SCP2: variants seen among roughly 807,000 people sequenced by gnomAD.
SCP2 encodes sterol carrier protein 2, also known as SCP-2/3-oxoacyl-CoA thiolase.
SCP2 carries 48 observed loss-of-function variants against 71.4 expected under a neutral mutation model. The observed-to-expected ratio is 0.67, with a 90% CI of 0.53 to 0.86. The LOEUF (loss-of-function observed/expected upper bound fraction) is 0.86. Among genes scored for constraint, SCP2 ranks in the 40% least tolerant of loss-of-function variants. The pLI, the probability that SCP2 is intolerant of heterozygous loss-of-function variation, is 0.00. For synonymous variants in SCP2, 220 were observed against 218.1 expected (o/e 1.01, Z -0.08); for missense variants, 560 against 655.6 (o/e 0.85, Z 1.59).
At chr1:52,998,567 C>CA (rs1660093090) in intron 11 of SCP2, among the ~76,000 whole-genome samples, 1 of 151,980 alleles carries the variant, frequency 6.6e-6, no homozygotes, top group South Asian at 2.1e-4. Flanking sequence ...CCCATCTCTA[C>CA]AAAAAATACA....
chr1:52,938,935 C>T (rs1415914346), intron 1 of SCP2, among the ~76,000 whole-genome samples: 2 of 152,218 alleles, frequency 1.3e-5, no homozygotes, highest in East Asian at 1.9e-4. Context: ...TAAAAATCCT[C>T]TGTGTTCCAC....
intron 3 of SCP2, among the ~76,000 whole-genome samples, chr1:52,948,551 G>C (rs1655009208): frequency 6.6e-6 from 1 of 150,820 alleles, no homozygotes; most frequent in Non-Finnish European, 1.5e-5. Context: ...CTTGAACCCA[G>C]GAGGCAGAGG....
At chr1:52,964,262 C>T (rs529844410) in intron 6 of SCP2, among the ~76,000 whole-genome samples, 2 of 145,628 alleles carry the variant, frequency 1.4e-5, no homozygotes, top group East Asian at 4.0e-4. Flanking sequence ...AGTGCAGTGG[C>T]ATGATCTTGG....
chr1:53,041,302 T>C (rs968833544), intron 14 of SCP2, among the ~76,000 whole-genome samples: 4 of 151,188 alleles, frequency 2.6e-5, no homozygotes, highest in Non-Finnish European at 5.9e-5. Context: ...CTTGGGAGGC[T>C]GAGGCAGGAA....
intron 12 of SCP2, among the ~76,000 whole-genome samples, chr1:53,024,767 T>A (rs1483868646): frequency 6.6e-6 from 1 of 152,068 alleles, no homozygotes; most frequent in Non-Finnish European, 1.5e-5. Context: ...AGACGGGGTT[T>A]CACTATGTTG....
intron 6 of SCP2, among the ~76,000 whole-genome samples, chr1:52,969,903 C>G (rs1166730169): frequency 6.6e-6 from 1 of 152,140 alleles, no homozygotes; most frequent in East Asian, 1.9e-4. Context: ...ACTGTTCATT[C>G]ATGTCATAGC....
intron 6 of SCP2, 39 bp from the exon 7 acceptor site, chr1:52,974,730 A>G: frequency 9.6e-7 from 1 of 1,040,916 alleles, no homozygotes; most frequent in South Asian, 1.3e-5. Context: ...AGCAGCGGAA[A>G]AACATTCACC....
chr1:52,988,244 T>A, intron 11 of SCP2, 108 bp downstream of exon 11: 1 of 703,270 alleles, frequency 1.4e-6, no homozygotes. Flanking sequence ...ACTTGGTAGC[T>A]GGTGCTTTAA....
intron 8 of SCP2, 63 bp downstream of exon 8, chr1:52,976,832 CT>C: frequency 2.3e-6 from 2 of 870,732 alleles, no homozygotes; most frequent in Middle Eastern, 2.2e-4. Flanking sequence ...TGCCACCCCC[CT>C]GTGGTTAAAC....
intron 5 of SCP2, among the ~76,000 whole-genome samples, chr1:52,957,441 T>A (rs574927385): frequency 1.3e-5 from 2 of 152,296 alleles, no homozygotes; most frequent in African/African-American, 2.4e-5. Context: ...CAATTTTTTT[T>A]TCCAAAATAA....
chr1:53,034,572 A>G (rs74344194), intron 13 of SCP2, among the ~76,000 whole-genome samples: 5,707 of 152,228 alleles, frequency 0.037, 228 homozygotes, highest in East Asian at 0.21. Flanking sequence ...CAACCACTGA[A>G]TTGAATATTT....
At chr1:52,943,794 C>T (rs1654509517) in intron 2 of SCP2, 1 of 457,978 alleles carries the variant, frequency 2.2e-6, no homozygotes, top group Non-Finnish European at 4.4e-6. Context: ...CCGAGTGCCA[C>T]AGTACCAGGC....
Position 53,050,653 on chromosome 1 carries a change from C to T in SCP2, c.1593C>T (p.Leu531=), listed in dbSNP as rs777240423. Residue 531 remains leucine (L), a synonymous_variant, in exon 16 of 16, where the codon CTC becomes CTT. Coordinates refer to ENST00000371514, the MANE Select transcript of SCP2 (RefSeq NM_002979.5). ...GKLKITGNMG[L]AMKLQNLQLQ... Reference sequence around the variant, plus strand: ...TGAAAATCACTGGCAACATGGGTCTCGCTATGAAGTTACAAAATCTTCAGC... The same window carrying T: ...TGAAAATCACTGGCAACATGGGTCTTGCTATGAAGTTACAAAATCTTCAGC... 55 of 1,613,540 alleles carry T rather than the reference C, an allele frequency of 3.4e-5. No homozygotes were observed. The highest frequency in any genetic ancestry group is 4.2e-5 in the Non-Finnish European group (50 of 1,179,660).
intron 6 of SCP2, among the ~76,000 whole-genome samples, chr1:52,967,463 C>T (rs1331767262): frequency 1.3e-5 from 2 of 152,100 alleles, no homozygotes; most frequent in East Asian, 1.9e-4. Context: ...AGTATTTTAA[C>T]AATGTAAATT....
chr1:53,015,604 C>T (rs755749014), intron 12 of SCP2, among the ~76,000 whole-genome samples: 1 of 152,186 alleles, frequency 6.6e-6, no homozygotes, highest in Non-Finnish European at 1.5e-5. Context: ...AAAAGCGCCC[C>T]TCCTGTCAAA....
At position 52,927,408 on chromosome 1, in the gene SCP2, C is replaced by A; in HGVS notation, c.12C>A (p.Ser4=). 3 of 1,596,938 alleles carry A rather than the reference C, an allele frequency of 1.9e-6. No homozygotes were observed. The highest frequency in any genetic ancestry group is 2.6e-6 in the Non-Finnish European group (3 of 1,172,892). Residue 4 remains serine, a synonymous_variant, in exon 1 of 16, where the codon TCC becomes TCA. Transcript: ENST00000371514. MSS[S]PWEPATLRRV... is the part of the protein sequence containing the mutation. ...GCACTGGTGCAGCCATGTCCTCTTCCCCGTGGGAGCCTGCGACCCTGCGCC... is the reference window on the plus strand; with the variant it reads ...GCACTGGTGCAGCCATGTCCTCTTCACCGTGGGAGCCTGCGACCCTGCGCC...
intron 6 of SCP2, among the ~76,000 whole-genome samples, chr1:52,966,194 T>A (rs1016104551): frequency 7.2e-5 from 11 of 152,204 alleles, no homozygotes; most frequent in Admixed American, 1.3e-4. Flanking sequence ...AGCATCCTTG[T>A]CCTGTTCCTG....
chr1:53,020,591 G>A (rs970230678), intron 12 of SCP2, among the ~76,000 whole-genome samples: 1 of 152,108 alleles, frequency 6.6e-6, no homozygotes, highest in Non-Finnish European at 1.5e-5. Context: ...GAGCCACTGT[G>A]CCCAGCCTGA....
At chr1:52,948,994 C>T (rs1205817540) in intron 3 of SCP2, among the ~76,000 whole-genome samples, 1 of 151,440 alleles carries the variant, frequency 6.6e-6, no homozygotes, top group East Asian at 1.9e-4. Context: ...TGTGTGGGAA[C>T]CCCTACATCA....
Sources: allele counts gnomAD v4.1 joint callset (sites outside exome capture counted in the v4.1 genomes callset), GRCh38; gene constraint gnomAD v4.1.1; transcripts MANE v1.5; gene names NCBI Gene and HGNC (gene_info 2026-07-23, HGNC 2026-07-21).